The following NRG3 variants were observed in gnomAD, a reference collection of about 807,000 sequenced individuals.
NRG3 encodes pro-neuregulin-3, membrane-bound isoform.
In NRG3, 31 loss-of-function variants were observed where a neutral mutation model predicts 66.9. The observed-to-expected ratio is 0.46, with a 90% CI of 0.35 to 0.63. The LOEUF is 0.63. Among genes scored for constraint, NRG3 ranks in the 20% least tolerant of loss-of-function variants. The pLI is 0.00. For synonymous variants in NRG3, 393 were observed against 359.4 expected (o/e 1.09, Z -1.06); for missense variants, 910 against 878.9 (o/e 1.04, Z -0.45).
intron 3 of NRG3, among the ~76,000 whole-genome samples, chr10:82,859,566 T>G (rs2064004973): frequency 6.6e-6 from 1 of 152,166 alleles, no homozygotes; most frequent in African/African-American, 2.4e-5. Flanking sequence ...CCCCTTTTTG[T>G]CAGCATATAA....
At position 82,262,494 on chromosome 10, in the gene NRG3, A is replaced by C. The variant is rs966173839; in HGVS notation, c.824-96245A>C. ...CTCACAGTATTTTCTTAGCTTTTACATTCTGGCTACTCCTATTTCCACCTG... is the reference window on the plus strand; with the variant it reads ...CTCACAGTATTTTCTTAGCTTTTACCTTCTGGCTACTCCTATTTCCACCTG... On this transcript the variant is annotated intron_variant, in intron 1 of 8. Coordinates refer to ENST00000372141, the MANE Select transcript of NRG3 (RefSeq NM_001010848.4). Among the ~76,000 whole-genome samples the C allele has an allele frequency of 2.0e-5, 3 of 152,230 alleles. No homozygotes were observed. In the East Asian group the frequency reaches 5.8e-4, roughly 29 times the overall value.
In NRG3 at chr10:82,754,566, C is replaced by T. The variant is rs181283470; in HGVS notation, c.1027+15916C>T. ...AAAAAAAAAAAGCAGATAAAGATTG[C>T]TTTGCTTCTGGAAATGGCAACCCAA... On this transcript the variant is annotated intron_variant, in intron 3 of 8. Coordinates refer to ENST00000372141, the MANE Select transcript of NRG3 (RefSeq NM_001010848.4). 9.3e-5 allele frequency among the ~76,000 whole-genome samples: 14 copies of T among 150,898 alleles called. 1 individual carries two copies. The East Asian group carries it at 2.7e-3, about 29-fold the overall frequency.
intron 1 of NRG3, among the ~76,000 whole-genome samples, chr10:82,086,267 C>T (rs181813433): frequency 3.0e-4 from 45 of 152,134 alleles, no homozygotes; most frequent in Admixed American, 6.5e-4. Context: ...ACTTCCTCTA[C>T]GAGAGTTTTA....
intron 2 of NRG3, among the ~76,000 whole-genome samples, chr10:82,539,839 G>A (rs916138499): frequency 1.3e-5 from 2 of 151,982 alleles, no homozygotes; most frequent in African/African-American, 4.8e-5. Flanking sequence ...TCACCATCTT[G>A]ACCAGGCTGG....
intron 2 of NRG3, among the ~76,000 whole-genome samples, chr10:82,547,102 G>A (rs927464546): frequency 6.6e-6 from 1 of 152,046 alleles, no homozygotes; most frequent in Non-Finnish European, 1.5e-5. Flanking sequence ...GTCAGCACAT[G>A]AGCCATATTT....
rs1164390689 is a variant in NRG3, at chr10:82,203,869, A to T, written c.824-154870A>T. Reference sequence around the variant, plus strand: ...GAAATTCTGTTTTTAAAAACAGAATATTTAGCATTCTCTAATGCAGTCTAC... The same window carrying T: ...GAAATTCTGTTTTTAAAAACAGAATTTTTAGCATTCTCTAATGCAGTCTAC... On this transcript the variant is annotated intron_variant, in intron 1 of 8. Coordinates refer to ENST00000372141, the MANE Select transcript of NRG3 (RefSeq NM_001010848.4). Among the ~76,000 whole-genome samples the T allele has an allele frequency of 2.0e-5, 3 of 152,180 alleles. No homozygotes were observed. The East Asian group carries it at 5.8e-4, about 29-fold the overall frequency.
intron 2 of NRG3, among the ~76,000 whole-genome samples, chr10:82,714,905 TA>T (rs2056885089): frequency 6.6e-6 from 1 of 152,242 alleles, no homozygotes; most frequent in Non-Finnish European, 1.5e-5. Context: ...TGTTTTATAT[TA>T]TTTCTGTGTA....
At chr10:82,492,538 A>G (rs190242272) in intron 2 of NRG3, among the ~76,000 whole-genome samples, 1 of 152,298 alleles carries the variant, frequency 6.6e-6, no homozygotes, top group East Asian at 1.9e-4. Flanking sequence ...TACTTGTTCA[A>G]AAGAGATTGC....
chr10:82,306,737 G>C (rs1231825775), intron 1 of NRG3, among the ~76,000 whole-genome samples: 1 of 120,168 alleles, frequency 8.3e-6, no homozygotes, highest in Non-Finnish European at 1.8e-5. Context: ...AAAAAAAAAA[G>C]TCTGGCAGAA....
chr10:82,982,043 C>A (rs7079483), intron 8 of NRG3, among the ~76,000 whole-genome samples: 1 of 152,050 alleles, frequency 6.6e-6, no homozygotes, highest in African/African-American at 2.4e-5. Flanking sequence ...AAAAGAGCTG[C>A]GATTGAATAC....
intron 2 of NRG3, among the ~76,000 whole-genome samples, chr10:82,399,512 G>C (rs1382870656): frequency 6.6e-6 from 1 of 152,150 alleles, no homozygotes; most frequent in African/African-American, 2.4e-5. Flanking sequence ...CAGTTCTGGA[G>C]AGTGGATCCC....
At chr10:81,974,209 G>C (rs2060033106) in intron 1 of NRG3, among the ~76,000 whole-genome samples, 1 of 152,138 alleles carries the variant, frequency 6.6e-6, no homozygotes, top group African/African-American at 2.4e-5. Context: ...TTGAAGATCA[G>C]ATAGTTGTAG....
At chr10:81,946,683 C>T (rs1848870949) in intron 1 of NRG3, among the ~76,000 whole-genome samples, 1 of 152,104 alleles carries the variant, frequency 6.6e-6, no homozygotes, top group Admixed American at 6.6e-5. Context: ...GGATTATGCT[C>T]ACAGGTTGCT....
chr10:81,932,783 G>A (rs1189620976), intron 1 of NRG3, among the ~76,000 whole-genome samples: 1 of 152,186 alleles, frequency 6.6e-6, no homozygotes, highest in East Asian at 1.9e-4. Context: ...CGTCCAAAGG[G>A]TCATGGTCTT....
chr10:82,693,887 C>T (rs764321541), intron 2 of NRG3, among the ~76,000 whole-genome samples: 16 of 152,166 alleles, frequency 1.1e-4, no homozygotes, highest in Admixed American at 2.6e-4. Context: ...GAAGGAGACC[C>T]GAGTGGGTTG....
intron 2 of NRG3, among the ~76,000 whole-genome samples, chr10:82,383,443 T>C (rs1213125578): frequency 1.3e-5 from 2 of 152,012 alleles, no homozygotes; most frequent in Non-Finnish European, 2.9e-5. Context: ...AAACACATTT[T>C]CTTTAGCATT....
Position 82,575,645 on chromosome 10 carries a change from C to T in NRG3, c.954-162932C>T, listed in dbSNP as rs114421986. ...TGTTGATGGGGCTCCACTATAAAAA[C>T]GAACACAAAACAAACAAACAAACAA... On this transcript the variant is annotated intron_variant, in intron 2 of 8. Transcript: ENST00000372141. Among the ~76,000 whole-genome samples, 697 of 151,742 alleles carry T rather than the reference C, an allele frequency of 4.6e-3. 4 individuals carry two copies. Among genetic ancestry groups the T allele is most frequent in the African/African-American group, 0.016 (650 of 41,450 alleles).
At chr10:82,321,779 G>A (rs527554347) in intron 1 of NRG3, among the ~76,000 whole-genome samples, 1 of 152,326 alleles carries the variant, frequency 6.6e-6, no homozygotes, top group East Asian at 1.9e-4. Context: ...GCTTTAAAAG[G>A]CAGCAGAGAT....
At chr10:82,013,177 G>A (rs1253563659) in intron 1 of NRG3, among the ~76,000 whole-genome samples, 1 of 152,184 alleles carries the variant, frequency 6.6e-6, no homozygotes, top group Non-Finnish European at 1.5e-5. Context: ...ATGGCAGAAG[G>A]CAAGGAGGAG....
Sources: gnomAD v4.1 joint callset for allele counts (sites outside exome capture counted in the v4.1 genomes callset) on GRCh38, gnomAD v4.1.1 for gene constraint, MANE v1.5 for transcripts, NCBI Gene and HGNC (gene_info 2026-07-23, HGNC 2026-07-21) for gene names.